PTPRD: variants seen among roughly 807,000 people sequenced by gnomAD.
PTPRD encodes receptor-type tyrosine-protein phosphatase delta.
In PTPRD, 34 loss-of-function variants were observed where a neutral mutation model predicts 214.5. The ratio of observed to expected loss-of-function variants is 0.16; its 90% CI spans 0.12 to 0.21. The LOEUF (loss-of-function observed/expected upper bound fraction) is 0.21, where lower values mean the gene tolerates loss of function less well. Among genes scored for constraint, PTPRD ranks in the 10% least tolerant of loss-of-function variants. The probability of loss-of-function intolerance (pLI) is 1.00; values close to 1 mark genes in which losing one functional copy is unlikely to be tolerated. For missense variants in PTPRD, 2,545 were observed against 2,398.7 expected, an observed-to-expected ratio of 1.06 and a Z score of -1.27; for synonymous variants, 1,128 against 845.7, an observed-to-expected ratio of 1.33 and a Z score of -5.79.
intron 2 of PTPRD, among the ~76,000 whole-genome samples, chr9:10,563,325 T>C (rs2064574620): frequency 6.6e-6 from 1 of 152,162 alleles, no homozygotes; most frequent in Admixed American, 6.5e-5. Context: ...CCATTCATCA[T>C]GGATTCAGGT....
intron 39 of PTPRD, among the ~76,000 whole-genome samples, chr9:8,373,694 A>C (rs901806565): frequency 2.7e-5 from 4 of 147,728 alleles, no homozygotes; most frequent in Non-Finnish European, 5.9e-5. Context: ...ATTTAATCTT[A>C]TCTCTCATAT....
intron 11 of PTPRD, among the ~76,000 whole-genome samples, chr9:8,829,166 G>A (rs909035953): frequency 3.9e-5 from 6 of 152,066 alleles, no homozygotes; most frequent in Non-Finnish European, 5.9e-5. Flanking sequence ...AGGTGCAGCT[G>A]GATGACATTT....
intron 9 of PTPRD, among the ~76,000 whole-genome samples, chr9:9,216,336 A>G (rs997554136): frequency 6.6e-6 from 1 of 152,090 alleles, no homozygotes. Flanking sequence ...ACCTCTCTCT[A>G]CCTCAGTTTT....
intron 2 of PTPRD, among the ~76,000 whole-genome samples, chr9:10,476,661 A>C (rs2099064526): frequency 6.6e-6 from 1 of 152,184 alleles, no homozygotes; most frequent in South Asian, 2.1e-4. Context: ...ACGGAACCAA[A>C]AAATAGCCCA....
In PTPRD at chr9:8,486,113, C is replaced by A. The variant is rs746464393; in HGVS notation, c.2704G>T (p.Gly902Cys). The change falls in exon 28 of 46, where the codon GGC becomes TGC. Residue 902 changes from glycine (G) to cysteine (C), a missense_variant. Coordinates refer to ENST00000381196, the MANE Select transcript of PTPRD (RefSeq NM_002839.4). ...TCCTTCACCATCTCCTCCCCAAAGC[C>A]CACTTTGTTTCTGGCTGAGAGCCTG... is the stretch of plus-strand genomic sequence containing the variant. ...VFRLSARNKV[G>C]FGEEMVKEIS... 3.7e-6 allele frequency: 6 copies of A among 1,614,178 alleles called. No homozygotes were observed. The South Asian group carries it at 5.5e-5, about 15-fold the overall frequency.
intron 8 of PTPRD, among the ~76,000 whole-genome samples, chr9:9,530,423 C>G (rs1187051510): frequency 1.3e-5 from 2 of 152,066 alleles, no homozygotes; most frequent in Non-Finnish European, 2.9e-5. Flanking sequence ...ATACAACCTA[C>G]CAAGATTGAA....
At chr9:9,787,267 G>T (rs937014333) in intron 5 of PTPRD, among the ~76,000 whole-genome samples, 7 of 151,526 alleles carry the variant, frequency 4.6e-5, no homozygotes, top group Non-Finnish European at 8.8e-5. Context: ...ACTCTCAGTA[G>T]TAAAATAGTT....
chr9:8,792,823 C>A (rs2096279992), intron 11 of PTPRD, among the ~76,000 whole-genome samples: 1 of 152,100 alleles, frequency 6.6e-6, no homozygotes. Context: ...CCATTTCTCT[C>A]CATTCTTCTC....
intron 3 of PTPRD, among the ~76,000 whole-genome samples, chr9:10,264,399 T>C (rs766843070): frequency 3.9e-5 from 6 of 152,144 alleles, no homozygotes; most frequent in Non-Finnish European, 8.8e-5. Context: ...CCCAAGACCA[T>C]GGGAACCCAC....
chr9:9,168,954 A>G (rs896801981), intron 10 of PTPRD, among the ~76,000 whole-genome samples: 1 of 151,818 alleles, frequency 6.6e-6, no homozygotes, highest in African/African-American at 2.4e-5. Context: ...GTATAATAAA[A>G]AATAATTTGG....
chr9:8,318,917 G>C (rs1297000782), intron 45 of PTPRD, among the ~76,000 whole-genome samples: 1 of 152,034 alleles, frequency 6.6e-6, no homozygotes, highest in Non-Finnish European at 1.5e-5. Flanking sequence ...TAGACAGATA[G>C]TTTCTATTTT....
intron 2 of PTPRD, among the ~76,000 whole-genome samples, chr9:10,543,482 A>G (rs2059575127): frequency 7.2e-6 from 1 of 139,430 alleles, no homozygotes; most frequent in South Asian, 2.2e-4. Flanking sequence ...ATATATATAC[A>G]CACACACACA....
At chr9:9,340,392 T>G (rs2046316948) in intron 9 of PTPRD, among the ~76,000 whole-genome samples, 1 of 152,220 alleles carries the variant, frequency 6.6e-6, no homozygotes, top group African/African-American at 2.4e-5. Flanking sequence ...TGTGACTATT[T>G]AAATCTCTTT....
chr9:9,673,083 C>G (rs938900578), intron 7 of PTPRD, among the ~76,000 whole-genome samples: 5 of 151,966 alleles, frequency 3.3e-5, no homozygotes, highest in African/African-American at 1.2e-4. Context: ...GGACACTTCA[C>G]TAGGCTGACA....
At chr9:10,133,027 C>G (rs2098911327) in intron 3 of PTPRD, among the ~76,000 whole-genome samples, 1 of 152,118 alleles carries the variant, frequency 6.6e-6, no homozygotes, top group Non-Finnish European at 1.5e-5. Context: ...TAGAGGAAGT[C>G]AACTTCCATG....
At chr9:9,848,663 G>A (rs916726897) in intron 5 of PTPRD, among the ~76,000 whole-genome samples, 25 of 152,134 alleles carry the variant, frequency 1.6e-4, no homozygotes, top group African/African-American at 6.0e-4. Context: ...ACATGTTAAA[G>A]AGATTTAGAA....
chr9:8,553,792 T>C (rs2082839626), intron 14 of PTPRD, among the ~76,000 whole-genome samples: 1 of 152,168 alleles, frequency 6.6e-6, no homozygotes, highest in African/African-American at 2.4e-5. Flanking sequence ...GCTATGACCT[T>C]GTTGTTTGCC....
chr9:10,367,531 A>G (rs1222899126), intron 2 of PTPRD, among the ~76,000 whole-genome samples: 1 of 152,164 alleles, frequency 6.6e-6, no homozygotes. Flanking sequence ...ACGTCCTGGA[A>G]GCCCAATGGG....
intron 2 of PTPRD, among the ~76,000 whole-genome samples, chr9:10,363,445 C>G (rs946391685): frequency 6.6e-6 from 1 of 152,160 alleles, no homozygotes. Flanking sequence ...TATTTTAGGA[C>G]AAACTGAAAA....
Sources: gnomAD v4.1 joint callset for allele counts (sites outside exome capture counted in the v4.1 genomes callset) on GRCh38, gnomAD v4.1.1 for gene constraint, MANE v1.5 for transcripts, NCBI Gene and HGNC (gene_info 2026-07-23, HGNC 2026-07-21) for gene names.